The following NAALADL2 variants were observed in gnomAD, a reference collection of about 807,000 sequenced individuals.
NAALADL2 encodes the protein N-acetylated alpha-linked acidic dipeptidase like 2.
Under a neutral mutation model 87.2 loss-of-function variants are expected in NAALADL2, and 76 were observed. That is an observed-to-expected ratio of 0.87 (90% CI 0.72 to 1.05). The LOEUF (loss-of-function observed/expected upper bound fraction) is 1.05. NAALADL2 is among the 50% of genes least tolerant of loss of function. The probability of loss-of-function intolerance (pLI) is 0.00; values close to 1 mark genes in which losing one functional copy is unlikely to be tolerated. For missense variants in NAALADL2, 1,089 were observed against 945.8 expected (o/e 1.15, Z -1.99); for synonymous variants, 354 against 331.0 (o/e 1.07, Z -0.75).
intron 11 of NAALADL2, among the ~76,000 whole-genome samples, chr3:175,696,250 G>A (rs1737786406): frequency 6.6e-6 from 1 of 152,054 alleles, no homozygotes; most frequent in African/African-American, 2.4e-5. Flanking sequence ...ATAAAAATGA[G>A]CCAGACATAG....
chr3:175,083,402 C>T (rs771918617), intron 1 of NAALADL2, among the ~76,000 whole-genome samples: 11 of 152,222 alleles, frequency 7.2e-5, no homozygotes, highest in African/African-American at 2.2e-4. Context: ...ATTTAATTAA[C>T]GTTAACCAAC....
intron 2 of NAALADL2, among the ~76,000 whole-genome samples, chr3:175,114,036 A>G (rs1025805230): frequency 1.3e-5 from 2 of 151,672 alleles, no homozygotes; most frequent in Non-Finnish European, 3.0e-5. Context: ...ATTTCCTTAA[A>G]TGTATTTAAT....
intron 1 of NAALADL2, among the ~76,000 whole-genome samples, chr3:174,882,111 A>G (rs373609885): frequency 7.2e-5 from 11 of 152,132 alleles, no homozygotes; most frequent in African/African-American, 2.7e-4. Context: ...GTTACAGAAC[A>G]TGTGATATTC....
At chr3:175,480,228 C>T (rs574471747) in intron 9 of NAALADL2, among the ~76,000 whole-genome samples, 2 of 151,726 alleles carry the variant, frequency 1.3e-5, no homozygotes, top group African/African-American at 4.8e-5. Flanking sequence ...TCTAAATCTA[C>T]AAGCCATATA....
chr3:175,672,437 A>G (rs1433366755), intron 11 of NAALADL2, among the ~76,000 whole-genome samples: 1 of 152,182 alleles, frequency 6.6e-6, no homozygotes, highest in Non-Finnish European at 1.5e-5. Flanking sequence ...TTACGTGAAA[A>G]TACCACTGAT....
chr3:175,174,454 C>T (rs562382155), intron 2 of NAALADL2, among the ~76,000 whole-genome samples: 3 of 151,862 alleles, frequency 2.0e-5, no homozygotes, highest in Admixed American at 1.3e-4. Flanking sequence ...TATCTATTTG[C>T]GTCTTTCATA....
chr3:174,717,578 A>G (rs894893471), intron 2 of NAALADL2, among the ~76,000 whole-genome samples: 3 of 152,156 alleles, frequency 2.0e-5, no homozygotes, highest in Non-Finnish European at 4.4e-5. Context: ...AAGGTGCCTA[A>G]GATTTTTTTC....
chr3:174,481,571 C>T lies in NAALADL2; in HGVS notation c.-184+40539C>T, dbSNP rs986055907. Among the ~76,000 whole-genome samples, 4 of 152,046 alleles carry T rather than the reference C, an allele frequency of 2.6e-5. No individual in the cohort carries two copies. The East Asian group carries it at 5.8e-4, about 22-fold the overall frequency. ...AAGATACCACTGCCATTGATGCCTG[C>T]GTTGGGGGCCCCTAAGACCACACCC... On this transcript the variant is annotated intron_variant, in intron 1 of 3. Coordinates refer to the NAALADL2 transcript ENST00000434257.
intron 10 of NAALADL2, among the ~76,000 whole-genome samples, chr3:175,602,619 T>C (rs1582583040): frequency 6.6e-6 from 1 of 152,206 alleles, no homozygotes; most frequent in Non-Finnish European, 1.5e-5. Context: ...GAAATGATAA[T>C]TGATCTAGAC....
chr3:175,016,277 A>ATATATAT, intron 1 of NAALADL2, among the ~76,000 whole-genome samples: 1 of 147,820 alleles, frequency 6.8e-6, no homozygotes, highest in Admixed American at 6.8e-5. Context: ...ATATATATAT[A>ATATATAT]AAAAACAATA....
At chr3:174,676,907 T>C (rs1223822975) in intron 2 of NAALADL2, among the ~76,000 whole-genome samples, 1 of 152,044 alleles carries the variant, frequency 6.6e-6, no homozygotes, top group Non-Finnish European at 1.5e-5. Flanking sequence ...TTAATAATTA[T>C]ATCATTGCTG....
intron 4 of NAALADL2, among the ~76,000 whole-genome samples, chr3:175,314,882 C>T (rs964051920): frequency 1.3e-5 from 2 of 150,904 alleles, no homozygotes; most frequent in Non-Finnish European, 3.0e-5. Context: ...TTCATCAACT[C>T]GACAACAATA....
chr3:175,319,094 G>C (rs1404676229), intron 4 of NAALADL2, among the ~76,000 whole-genome samples: 1 of 152,198 alleles, frequency 6.6e-6, no homozygotes, highest in Non-Finnish European at 1.5e-5. Context: ...CACATGGGTG[G>C]GGGTGAGGAT....
In NAALADL2 at chr3:175,096,842, C is replaced by T. The variant is rs1200577791; in HGVS notation, c.96C>T (p.His32=). 8.1e-6 allele frequency: 13 copies of T among 1,609,928 alleles called. 1 individual carries two copies. In the South Asian group the frequency reaches 1.4e-4, roughly 18 times the overall value. ...ATGCAGATCAAAGAGCTCCAGGACACTCACAGTACTTAGACAATGATGACC... is the reference window on the plus strand; with the variant it reads ...ATGCAGATCAAAGAGCTCCAGGACATTCACAGTACTTAGACAATGATGACC... The part of the protein sequence containing the change: ...KVHADQRAPG[H]SQYLDNDDLQ... Residue 32 remains histidine, a synonymous_variant, in exon 2 of 14, where the codon CAC becomes CAT. Coordinates refer to ENST00000454872, the MANE Select transcript of NAALADL2 (RefSeq NM_207015.3).
chr3:174,597,942 T>C (rs927565815), intron 2 of NAALADL2, among the ~76,000 whole-genome samples: 4 of 152,192 alleles, frequency 2.6e-5, no homozygotes, highest in South Asian at 2.1e-4. Flanking sequence ...ATAGCACTTA[T>C]CACTTTCTCT....
chr3:175,248,804 A>AT lies in NAALADL2; in HGVS notation c.820-7601dup, dbSNP rs1333593916. Among the ~76,000 whole-genome samples, 6 of 152,226 alleles carry AT rather than the reference A, an allele frequency of 3.9e-5. No homozygotes were observed. In the South Asian group the frequency reaches 6.2e-4, roughly 16 times the overall value. ...TATATCCATATAGTATTATTATATG[A>AT]TTTTTTATAATCAACTGCAATCATA... On this transcript the variant is annotated intron_variant, in intron 3 of 13. Coordinates refer to ENST00000454872, the MANE Select transcript of NAALADL2 (RefSeq NM_207015.3).
intron 1 of NAALADL2, among the ~76,000 whole-genome samples, chr3:174,442,553 TTAA>T (rs1714742846): frequency 3.3e-5 from 5 of 152,332 alleles, no homozygotes; most frequent in African/African-American, 7.2e-5. Flanking sequence ...ATGTAATTTA[TTAA>T]TTGCTTACAT....
intron 2 of NAALADL2, among the ~76,000 whole-genome samples, chr3:175,195,340 A>G (rs533832594): frequency 2.6e-5 from 4 of 152,002 alleles, no homozygotes; most frequent in South Asian, 4.1e-4. Context: ...AAGCAAATCA[A>G]TGAGTTAATA....
In NAALADL2 at chr3:175,069,761, G is replaced by C. The variant is rs1358023346; in HGVS notation, c.44-27029G>C. Among the ~76,000 whole-genome samples, 924 of 151,410 alleles carry C rather than the reference G, an allele frequency of 6.1e-3. 26 individuals are homozygous for C. The highest frequency in any genetic ancestry group is 0.045 in the Admixed American group (678 of 15,078). ...ACAATAGCAAAGACTTGGAACCAAC[G>C]CAAATGTCCAACAATGATAGACTGG... On this transcript the variant is annotated intron_variant, in intron 1 of 13. Coordinates refer to ENST00000454872, the MANE Select transcript of NAALADL2 (RefSeq NM_207015.3).
Sources: allele counts gnomAD v4.1 joint callset (sites outside exome capture counted in the v4.1 genomes callset), GRCh38; gene constraint gnomAD v4.1.1; transcripts MANE v1.5; gene names NCBI Gene and HGNC (gene_info 2026-07-23, HGNC 2026-07-21).